Variants in CXCL12 observed in about 807,000 individuals in gnomAD.
The protein encoded by CXCL12 is C-X-C motif chemokine ligand 12.
In CXCL12, 4 loss-of-function variants were observed where a neutral mutation model predicts 10.7. The observed-to-expected ratio is 0.37, with a 90% CI of 0.18 to 0.86. The LOEUF is 0.86. Ranked by LOEUF, CXCL12 falls within the 40% of genes least tolerant of loss-of-function variation. The pLI is 0.43. For synonymous variants in CXCL12, 54 were observed against 45.4 expected, an observed-to-expected ratio of 1.19 and a Z score of -0.77; for missense variants, 122 against 110.4, an observed-to-expected ratio of 1.10 and a Z score of -0.47.
At position 44,377,100 on chromosome 10, in the gene CXCL12, G is replaced by A; in HGVS notation, c.*1533C>T. 1 of 985,554 alleles carries A rather than the reference G, an allele frequency of 1.0e-6. No homozygotes were observed. Among genetic ancestry groups the A allele is most frequent in the Non-Finnish European group, 1.2e-6 (1 of 830,114 alleles). The allele number at this position is 985,554 out of a possible 1,614,324, so 61.1% of individuals were successfully genotyped here. A position where few individuals can be genotyped will look rare whatever the true frequency, so the allele number is the denominator to read the frequency against. On this transcript the variant is annotated 3_prime_UTR_variant, in exon 3 of 3. Coordinates refer to ENST00000343575, the MANE Select transcript of CXCL12 (RefSeq NM_199168.4). ...TAACAACTAATGAATTTTATTTCAGGTAAATAAATTCCCACATACAGTAGG... is the reference window on the plus strand; with the variant it reads ...TAACAACTAATGAATTTTATTTCAGATAAATAAATTCCCACATACAGTAGG...
rs747985319 is a variant in CXCL12, at chr10:44,385,032, G to A, written c.-27C>T. The stretch of plus-strand genomic sequence containing the variant: ...GCGCGGGCGGGCGGGCGGGCGGGCG[G>A]ACGAGCGCGGGTCGGGGGCCGGACG... On this transcript the variant is annotated 5_prime_UTR_variant, in exon 1 of 3. Transcript: ENST00000343575. 7.0e-7 allele frequency: 1 copy of A among 1,429,656 alleles called. No individual in the cohort carries two copies. The highest frequency in any genetic ancestry group is 2.3e-5 in the Admixed American group (1 of 43,438). 88.6% of individuals were successfully genotyped at this position (1,429,656 alleles called of 1,614,324 possible).
At chr10:44,376,929 A>AAT, downstream of CXCL12, 1 of 182,312 alleles carries the variant, frequency 5.5e-6, no homozygotes, top group Non-Finnish European at 1.0e-5. Flanking sequence ...AAAAAAAAAA[A>AAT]GATCCAAAAA....
At chr10:44,375,822 C>G (rs1214207811), downstream of CXCL12, 16 of 1,535,784 alleles carry the variant, frequency 1.0e-5, no homozygotes, top group African/African-American at 2.8e-5. Flanking sequence ...ACTGCTCCCC[C>G]ACGGAAGTCT....
rs1176949116 is a variant in CXCL12, at chr10:44,377,526, G to A, written c.*1107C>T. ...TTGCCAACAGTTCTGATTGGAACCT[G>A]AAACCCTGCTGTGGCTTCAGGAGGG... On this transcript the variant is annotated 3_prime_UTR_variant, in exon 3 of 3. Coordinates refer to ENST00000343575, the MANE Select transcript of CXCL12 (RefSeq NM_199168.4). The A allele has an allele frequency of 1.4e-6, 2 of 1,414,140 alleles. No individual in the cohort carries two copies. Among genetic ancestry groups the A allele is most frequent in the Non-Finnish European group, 1.8e-6 (2 of 1,089,398 alleles). The allele number at this position is 1,414,140 out of a possible 1,614,324, so 87.6% of individuals were successfully genotyped here. A position where few individuals can be genotyped will look rare whatever the true frequency, so the allele number is the denominator to read the frequency against.
downstream of CXCL12, chr10:44,371,130 A>T (rs1339137571): frequency 4.6e-6 from 1 of 219,396 alleles, no homozygotes; most frequent in East Asian, 1.7e-4. Context: ...GGAAGACTGT[A>T]TTTAAATGCA....
downstream of CXCL12, chr10:44,372,046 G>A (rs2132035255): frequency 6.6e-6 from 1 of 152,430 alleles, no homozygotes; most frequent in South Asian, 2.1e-4. Context: ...AGCAGAGAGG[G>A]CCCAGGAGGA....
At chr10:44,381,188 T>C (rs577734754) in intron 1 of CXCL12, among the ~76,000 whole-genome samples, 1 of 152,222 alleles carries the variant, frequency 6.6e-6, no homozygotes, top group African/African-American at 2.4e-5. Context: ...GTAGTAATTA[T>C]AGTAGATAAC....
chr10:44,378,298 T>C lies in CXCL12; in HGVS notation c.*335A>G, dbSNP rs535585766. ...ATTTAAAAAATGAGAATGAGAATGATGATGATTGTGATGATCATGAAGGAA... is the reference window on the plus strand; with the variant it reads ...ATTTAAAAAATGAGAATGAGAATGACGATGATTGTGATGATCATGAAGGAA... On this transcript the variant is annotated 3_prime_UTR_variant, in exon 3 of 3. Coordinates refer to ENST00000343575, the MANE Select transcript of CXCL12 (RefSeq NM_199168.4). 3 of 1,471,386 alleles carry C rather than the reference T, an allele frequency of 2.0e-6. No individual in the cohort carries two copies. Among genetic ancestry groups the C allele is most frequent in the Admixed American group, 1.8e-5 (1 of 55,872 alleles). The allele number at this position is 1,471,386 out of a possible 1,614,324, so 91.1% of individuals were successfully genotyped here. A position where few individuals can be genotyped will look rare whatever the true frequency, so the allele number is the denominator to read the frequency against.
chr10:44,378,831 G>A (rs945748040), intron 2 of CXCL12, 108 bp from the exon 3 acceptor site: 17 of 1,122,480 alleles, frequency 1.5e-5, no homozygotes, highest in Admixed American at 8.8e-5. Flanking sequence ...CTGGCACCCC[G>A]TGCTCCACTT....
chr10:44,385,061 AGCGGGCAAT>A lies in CXCL12; in HGVS notation c.-65_-57del, dbSNP rs1356878400. 25 of 1,312,494 alleles carry A rather than the reference AGCGGGCAAT, an allele frequency of 1.9e-5. No homozygotes were observed. In the Admixed American group the frequency reaches 2.2e-4, roughly 11 times the overall value. 81.3% of individuals were successfully genotyped at this position (1,312,494 alleles called of 1,614,324 possible). A position where few individuals can be genotyped will look rare whatever the true frequency, so the allele number is the denominator to read the frequency against. The stretch of plus-strand genomic sequence containing the variant: ...AGCGCGGGTCGGGGGCCGGACGCCG[AGCGGGCAAT>A]GCGGCTGACGGAGAGTGAAAGTGCG... On this transcript the variant is annotated 5_prime_UTR_variant, in exon 1 of 3. Transcript: ENST00000343575.
downstream of CXCL12, chr10:44,374,254 C>G (rs926187985): frequency 4.1e-5 from 15 of 362,178 alleles, no homozygotes; most frequent in African/African-American, 3.2e-4. Context: ...TCATACTGAC[C>G]AGGACAGACT....
chr10:44,382,450 G>A (rs1227956421), intron 1 of CXCL12, among the ~76,000 whole-genome samples: 2 of 152,294 alleles, frequency 1.3e-5, no homozygotes, highest in Non-Finnish European at 2.9e-5. Flanking sequence ...GGGGTGGGTT[G>A]GGGGTGGAGC....
At chr10:44,376,399 TTTC>T (rs1356213643), downstream of CXCL12, among the ~76,000 whole-genome samples, 1 of 152,250 alleles carries the variant, frequency 6.6e-6, no homozygotes, top group Admixed American at 6.5e-5. Flanking sequence ...CATGGGACTT[TTTC>T]TTCTTCTCAA....
At chr10:44,372,983 G>A, downstream of CXCL12, 6 of 1,536,016 alleles carry the variant, frequency 3.9e-6, no homozygotes, top group Non-Finnish European at 5.2e-6. Context: ...GGCTCCCTCA[G>A]CCCAGTCTCC....
exon 4 of CXCL12, chr10:44,370,288 C>T (rs566554462): frequency 1.3e-5 from 2 of 152,590 alleles, no homozygotes; most frequent in African/African-American, 2.4e-5. Context: ...TTTTAAAGCA[C>T]GCTGCGTATA....
downstream of CXCL12, chr10:44,374,443 G>A (rs765829045): frequency 2.2e-6 from 1 of 456,046 alleles, no homozygotes; most frequent in South Asian, 1.5e-5. Context: ...ACAGCTCTGT[G>A]CCTTAAGAGG....
chr10:44,371,308 TC>T, downstream of CXCL12: 1 of 453,116 alleles, frequency 2.2e-6, no homozygotes, highest in Non-Finnish European at 4.4e-6. Flanking sequence ...CATGTTTGTT[TC>T]CTCAACCAAG....
chr10:44,372,014 C>T (rs2132035214), downstream of CXCL12: 1 of 152,306 alleles, frequency 6.6e-6, no homozygotes, highest in Middle Eastern at 3.4e-3. Context: ...TGGGAAGGGC[C>T]CGAAGCACAG....
Position 44,384,981 on chromosome 10 carries a change from G to T in CXCL12, c.25C>A (p.Leu9Met), listed in dbSNP as rs753076872. The change falls in exon 1 of 3, where the codon CTG becomes ATG. Residue 9 changes from leucine to methionine, a missense_variant. Coordinates refer to ENST00000343575, the MANE Select transcript of CXCL12 (RefSeq NM_199168.4). Reference protein sequence around the residue: MNAKVVVVLVLVLTALCLS... With the variant: MNAKVVVVMVLVLTALCLS... ...CAGAGCGCGGTCAGCACGAGGACCA[G>T]CACGACCACGACCTTGGCGTTCATG... 2 of 1,153,216 alleles carry T rather than the reference G, an allele frequency of 1.7e-6. No homozygotes were observed. The highest frequency in any genetic ancestry group is 1.7e-5 in the African/African-American group (1 of 59,900). The allele number at this position is 1,153,216 out of a possible 1,614,324, so 71.4% of individuals were successfully genotyped here. A position where few individuals can be genotyped will look rare whatever the true frequency, so the allele number is the denominator to read the frequency against.
Sources: gnomAD v4.1 joint callset for allele counts (sites outside exome capture counted in the v4.1 genomes callset) on GRCh38, gnomAD v4.1.1 for gene constraint, MANE v1.5 for transcripts, NCBI Gene and HGNC (gene_info 2026-07-23, HGNC 2026-07-21) for gene names.